WRN: variants seen among roughly 807,000 people sequenced by gnomAD.
WRN encodes the protein bifunctional 3'-5' exonuclease/ATP-dependent helicase WRN.
WRN carries 149 observed loss-of-function variants against 180.7 expected under a neutral mutation model. The observed-to-expected ratio is 0.82, with a 90% CI of 0.72 to 0.94. The LOEUF is 0.94. WRN is among the 40% of genes least tolerant of loss of function. The pLI, the probability that WRN is intolerant of heterozygous loss-of-function variation, is 0.00. For missense variants in WRN, 1,661 were observed against 1,700.1 expected, an observed-to-expected ratio of 0.98 and a Z score of 0.40; for synonymous variants, 548 against 568.9, an observed-to-expected ratio of 0.96 and a Z score of 0.52.
At chr8:31,104,922 C>T (rs182182987) in intron 18 of WRN, among the ~76,000 whole-genome samples, 1 of 152,256 alleles carries the variant, frequency 6.6e-6, no homozygotes, top group East Asian at 1.9e-4. Context: ...CTTCTGAGCC[C>T]AGGATTTCAC....
At chr8:31,145,067 A>G (rs924936771) in intron 28 of WRN, among the ~76,000 whole-genome samples, 7 of 152,254 alleles carry the variant, frequency 4.6e-5, no homozygotes, top group Non-Finnish European at 8.8e-5. Context: ...TCTCCATAAC[A>G]TAAAAGTGCA....
intron 31 of WRN, among the ~76,000 whole-genome samples, chr8:31,152,521 G>A (rs1254523421): frequency 6.6e-6 from 1 of 151,452 alleles, no homozygotes; most frequent in Non-Finnish European, 1.5e-5. Flanking sequence ...TCGTGTATAT[G>A]TTTGATATAT....
intron 12 of WRN, among the ~76,000 whole-genome samples, 161 bp from the exon 13 acceptor site, chr8:31,088,729 A>T (rs1813631420): frequency 6.6e-6 from 1 of 152,104 alleles, no homozygotes; most frequent in Non-Finnish European, 1.5e-5. Context: ...CACAGATGGT[A>T]CCCAGAAGAC....
Position 31,111,928 on chromosome 8 carries a change from T to C in WRN, c.2273+129T>C, listed in dbSNP as rs912530664. ...AACATATTTCAAATTCCACCTAGTT[T>C]TGGTTCAAGTCAAGCATGATGTTAT... On this transcript the variant is annotated intron_variant, in intron 19 of 34. Coordinates refer to ENST00000298139, the MANE Select transcript of WRN (RefSeq NM_000553.6). 1.5e-5 allele frequency: 18 copies of C among 1,191,168 alleles called. No homozygotes were observed. The Admixed American group carries it at 3.7e-4, about 25-fold the overall frequency. 73.8% of individuals were successfully genotyped at this position (1,191,168 alleles called of 1,614,324 possible). A position where few individuals can be genotyped will look rare whatever the true frequency, so the allele number is the denominator to read the frequency against.
At chr8:31,123,721 GA>G (rs986827616) in intron 21 of WRN, among the ~76,000 whole-genome samples, 6 of 152,012 alleles carry the variant, frequency 3.9e-5, no homozygotes, top group Admixed American at 1.3e-4. Context: ...TGAAATATCT[GA>G]AACCTAGTTA....
chr8:31,054,158 G>A (rs558432637), intron 1 of WRN, among the ~76,000 whole-genome samples: 12 of 152,214 alleles, frequency 7.9e-5, no homozygotes, highest in African/African-American at 2.6e-4. Flanking sequence ...CAGGAGTAGA[G>A]TGTAGCATGA....
intron 17 of WRN, among the ~76,000 whole-genome samples, chr8:31,100,236 A>G (rs1001369024): frequency 1.3e-5 from 2 of 152,216 alleles, no homozygotes; most frequent in Admixed American, 6.5e-5. Context: ...TGTGTCTGGT[A>G]TGGGGGCGGA....
At position 31,147,082 on chromosome 8, in the gene WRN, A is replaced by G; in HGVS notation, c.3413A>G (p.Tyr1138Cys). Reference protein sequence around the residue: ...SIMVQSPEKAYSSSQPVISAQ... With the variant: ...SIMVQSPEKACSSSQPVISAQ... ...ATGGTACAGTCACCAGAAAAAGCTT[A>G]CAGTTCCTCACAGCCTGTTATTTCG... Residue 1138 changes from tyrosine (Y) to cysteine (C), a missense_variant, in exon 29 of 35, where the codon TAC becomes TGC. Around this residue, in one of 3 missense-constraint regions of WRN, gnomAD observed 1,141 missense variants for 1,149.4 expected, o/e 0.99. Coordinates refer to ENST00000298139, the MANE Select transcript of WRN (RefSeq NM_000553.6). 1 of 1,613,836 alleles carries G rather than the reference A, an allele frequency of 6.2e-7. No individual in the cohort carries two copies. The highest frequency in any genetic ancestry group is 8.5e-7 in the Non-Finnish European group (1 of 1,179,822).
chr8:31,038,626 C>A (rs1334012695), intron 1 of WRN, among the ~76,000 whole-genome samples: 1 of 152,054 alleles, frequency 6.6e-6, no homozygotes, highest in Admixed American at 6.6e-5. Context: ...ACCTAATTCC[C>A]AAATCCAATG....
intron 32 of WRN, among the ~76,000 whole-genome samples, 179 bp from the exon 33 acceptor site, chr8:31,157,189 G>A (rs1803417878): frequency 6.6e-6 from 1 of 152,212 alleles, no homozygotes; most frequent in Non-Finnish European, 1.5e-5. Context: ...AGAACCTATA[G>A]AGAGCTATAA....
At position 31,100,508 on chromosome 8, in the gene WRN, T is replaced by C. The variant is rs11988524; in HGVS notation, c.1982-341T>C. 2.3e-3 allele frequency among the ~76,000 whole-genome samples: 352 copies of C among 152,300 alleles called. 2 individuals are homozygous for C. Among genetic ancestry groups the C allele is most frequent in the African/African-American group, 7.7e-3 (322 of 41,562 alleles). On this transcript the variant is annotated intron_variant, in intron 17 of 34. Transcript: ENST00000298139. The stretch of plus-strand genomic sequence containing the variant: ...ATGCATGAGATAAAATTGAAGGTAT[T>C]ACCAAGGAGAAATGCAGGTGGATAG...
intron 18 of WRN, among the ~76,000 whole-genome samples, chr8:31,102,751 G>C (rs1391362782): frequency 3.0e-4 from 45 of 152,086 alleles, no homozygotes; most frequent in Admixed American, 2.9e-3. Context: ...GGACATTACT[G>C]TACACTACTG....
intron 11 of WRN, among the ~76,000 whole-genome samples, chr8:31,085,761 G>A (rs771656672): frequency 2.6e-5 from 4 of 151,918 alleles, no homozygotes; most frequent in East Asian, 3.9e-4. Context: ...GTGAGCCGCC[G>A]CATCCAGCCC....
At position 31,141,550 on chromosome 8, in the gene WRN, G is replaced by A. The variant is rs143793363; in HGVS notation, c.3088G>A (p.Glu1030Lys). The A allele has an allele frequency of 3.1e-6, 5 of 1,614,170 alleles. No homozygotes were observed. The highest frequency in any genetic ancestry group is 4.2e-6 in the Non-Finnish European group (5 of 1,180,036). ...GCTGATCACTGAGGGATTCTTGGTA[G>A]AAGTTTCTCGGTATAACAAATTTAT... The part of the protein sequence containing the change: ...RQLITEGFLV[E>K]VSRYNKFMKI... Residue 1030 changes from glutamate to lysine, a missense_variant, in exon 25 of 35, where the codon GAA becomes AAA. Physicochemically the swap from Glu to Lys is moderately conservative, Grantham distance 56. Coordinates refer to ENST00000298139, the MANE Select transcript of WRN (RefSeq NM_000553.6).
chr8:31,050,897 C>T (rs941001310), intron 1 of WRN, among the ~76,000 whole-genome samples: 45 of 152,042 alleles, frequency 3.0e-4, no homozygotes, highest in Admixed American at 2.4e-3. Flanking sequence ...CAGTGTATTT[C>T]ATCACATTAA....
In WRN at chr8:31,173,026, C is replaced by T. The variant is rs764468799; in HGVS notation, c.4223C>T (p.Pro1408Leu). 2.2e-5 allele frequency: 35 copies of T among 1,613,760 alleles called. No individual in the cohort carries two copies. Among genetic ancestry groups the T allele is most frequent in the African/African-American group, 2.7e-5 (2 of 74,870 alleles). The change falls in exon 35 of 35, where the codon CCT becomes CTT. Residue 1408 changes from proline to leucine, a missense_variant. Pro to Leu is a moderately conservative substitution (Grantham distance 98). Coordinates refer to ENST00000298139, the MANE Select transcript of WRN (RefSeq NM_000553.6). Reference protein sequence around the residue: ...TSSAERKRRLPVWFAKGSDTS... With the variant: ...TSSAERKRRLLVWFAKGSDTS... ...TCTGCAGAGAGAAAGAGACGATTACCTGTGTGGTTTGCCAAAGGAAGTGAT... is the reference window on the plus strand; with the variant it reads ...TCTGCAGAGAGAAAGAGACGATTACTTGTGTGGTTTGCCAAAGGAAGTGAT...
At position 31,058,351 on chromosome 8, in the gene WRN, AT is replaced by A; in HGVS notation, c.-76-19del. The A allele has an allele frequency of 9.9e-7, 1 of 1,010,776 alleles. No individual in the cohort carries two copies. Among genetic ancestry groups the A allele is most frequent in the Non-Finnish European group, 1.5e-6 (1 of 658,180 alleles). The allele number at this position is 1,010,776 out of a possible 1,614,324, so 62.6% of individuals were successfully genotyped here. A position where few individuals can be genotyped will look rare whatever the true frequency, so the allele number is the denominator to read the frequency against. Reference sequence around the variant, plus strand: ...ATATGTATGTTTGGTTTTCATTCATATTGACAGTACTACCTCTCAGTTTTCT... The same window carrying A: ...ATATGTATGTTTGGTTTTCATTCATATGACAGTACTACCTCTCAGTTTTCT... On this transcript the variant is annotated intron_variant, in intron 1 of 34. Coordinates refer to ENST00000298139, the MANE Select transcript of WRN (RefSeq NM_000553.6).
chr8:31,111,559 A>G, intron 18 of WRN, 56 bp from the exon 19 acceptor site: 5 of 1,578,618 alleles, frequency 3.2e-6, no homozygotes, highest in Non-Finnish European at 4.3e-6. Context: ...AGCTATAGAC[A>G]TGTTGGGAAT....
chr8:31,088,803 C>A, intron 12 of WRN, 87 bp from the exon 13 acceptor site: 1 of 1,141,012 alleles, frequency 8.8e-7, no homozygotes, highest in South Asian at 1.3e-5. Context: ...TGTATTCTTT[C>A]AAAGAAGCCA....
Sources: gnomAD v4.1 joint callset for allele counts (sites outside exome capture counted in the v4.1 genomes callset) on GRCh38, gnomAD v4.1.1 for gene constraint, gnomAD v4.1.1 regional missense constraint, MANE v1.5 for transcripts, NCBI Gene and HGNC (gene_info 2026-07-23, HGNC 2026-07-21) for gene names.